SLC8A1: variants seen among roughly 807,000 people sequenced by gnomAD.
SLC8A1 encodes the protein solute carrier family 8 member A1.
Under a neutral mutation model 68.3 loss-of-function variants are expected in SLC8A1, and 18 were observed. That is an observed-to-expected ratio of 0.26 (90% CI 0.18 to 0.39). The LOEUF is 0.39. SLC8A1 is among the 10% of genes least tolerant of loss of function. SLC8A1 has a pLI of 1.00. For missense variants in SLC8A1, 985 were observed against 1,156.7 expected, an observed-to-expected ratio of 0.85 and a Z score of 2.15; for synonymous variants, 475 against 415.5, an observed-to-expected ratio of 1.14 and a Z score of -1.74.
intron 2 of SLC8A1, among the ~76,000 whole-genome samples, chr2:40,321,108 T>A (rs949241925): frequency 6.6e-6 from 1 of 152,164 alleles, no homozygotes; most frequent in East Asian, 1.9e-4. Flanking sequence ...CTACTTATGA[T>A]GCCAATGAAT....
In SLC8A1 at chr2:40,127,278, A is replaced by T. The variant is rs115348423; in HGVS notation, c.2438-11649T>A. Among the ~76,000 whole-genome samples the T allele has an allele frequency of 3.3e-3, 504 of 152,300 alleles. 1 individual carries two copies. Among genetic ancestry groups the T allele is most frequent in the African/African-American group, 0.011 (477 of 41,548 alleles). On this transcript the variant is annotated intron_variant, in intron 7 of 7. Coordinates refer to ENST00000406785, the Ensembl canonical transcript of SLC8A1. ...GATAAGAATACTTGACATAGCAGAAAGTTATTGTCAGGTTCTTCTATGTGG... is the reference window on the plus strand; with the variant it reads ...GATAAGAATACTTGACATAGCAGAATGTTATTGTCAGGTTCTTCTATGTGG...
chr2:40,102,187 C>G (rs1440066461), exon 8 of SLC8A1: 2 of 152,140 alleles, frequency 1.3e-5, no homozygotes, highest in African/African-American at 4.8e-5. Context: ...TGAGTCCCTA[C>G]AAGTCTATTT....
intron 2 of SLC8A1, among the ~76,000 whole-genome samples, chr2:40,234,618 C>A (rs1302818212): frequency 6.6e-6 from 1 of 152,122 alleles, no homozygotes; most frequent in African/African-American, 2.4e-5. Context: ...TTGCCCTGGC[C>A]AGAACTTCCA....
At chr2:40,350,201 G>T (rs1220875469) in intron 2 of SLC8A1, among the ~76,000 whole-genome samples, 1 of 152,128 alleles carries the variant, frequency 6.6e-6, no homozygotes, top group African/African-American at 2.4e-5. Flanking sequence ...CCATTTATCA[G>T]CTGGGTATGG....
chr2:40,222,318 G>C (rs1196713036), intron 2 of SLC8A1, among the ~76,000 whole-genome samples: 1 of 152,142 alleles, frequency 6.6e-6, no homozygotes, highest in Non-Finnish European at 1.5e-5. Context: ...AAACTGGCTA[G>C]CCATACGCAG....
At chr2:40,252,933 A>C (rs555989656) in intron 2 of SLC8A1, among the ~76,000 whole-genome samples, 1 of 127,276 alleles carries the variant, frequency 7.9e-6, no homozygotes, top group African/African-American at 3.5e-5. Context: ...ATACATGTAT[A>C]TGTATGTACA....
At chr2:40,283,967 C>T (rs2067883514) in intron 2 of SLC8A1, among the ~76,000 whole-genome samples, 1 of 152,052 alleles carries the variant, frequency 6.6e-6, no homozygotes, top group Non-Finnish European at 1.5e-5. Context: ...TCCAGAAAAA[C>T]TAGGCTTGTA....
chr2:40,422,246 G>A (rs376788427), intron 2 of SLC8A1, among the ~76,000 whole-genome samples: 5 of 149,540 alleles, frequency 3.3e-5, no homozygotes, highest in African/African-American at 1.3e-4. Flanking sequence ...TGTAATAAGG[G>A]ACTAATCGAT....
intron 2 of SLC8A1, among the ~76,000 whole-genome samples, chr2:40,183,845 C>A (rs1185432971): frequency 6.6e-6 from 1 of 152,076 alleles, no homozygotes; most frequent in Non-Finnish European, 1.5e-5. Flanking sequence ...CTTGTGGGAG[C>A]CCAGCATGAA....
At chr2:40,364,049 C>G (rs6544331) in intron 2 of SLC8A1, among the ~76,000 whole-genome samples, 15,625 of 152,050 alleles carry the variant, frequency 0.1, 905 homozygotes, top group East Asian at 0.19. Flanking sequence ...ACTCATATCA[C>G]TATAGCCAAT....
At chr2:40,418,535 GCT>G (rs1694558390) in intron 2 of SLC8A1, among the ~76,000 whole-genome samples, 1 of 152,152 alleles carries the variant, frequency 6.6e-6, no homozygotes, top group East Asian at 1.9e-4. Context: ...CTGAGCCTCA[GCT>G]CATCAGATTC....
chr2:40,259,252 A>G (rs919902112), intron 2 of SLC8A1, among the ~76,000 whole-genome samples: 1 of 145,766 alleles, frequency 6.9e-6, no homozygotes, highest in Admixed American at 7.4e-5. Flanking sequence ...GATGGAGATA[A>G]TAGAAGCCTT....
intron 7 of SLC8A1, chr2:40,120,745 T>C (rs961278617): frequency 1.3e-5 from 2 of 152,200 alleles, no homozygotes; most frequent in Non-Finnish European, 2.9e-5. Context: ...GATCAAACTG[T>C]GACAATATTT....
At chr2:40,286,766 A>C (rs192834817) in intron 2 of SLC8A1, among the ~76,000 whole-genome samples, 3 of 152,296 alleles carry the variant, frequency 2.0e-5, no homozygotes, top group African/African-American at 7.2e-5. Flanking sequence ...CCAGGGACCT[A>C]CTGTGTGACA....
chr2:40,178,563 G>A (rs2048893125), intron 2 of SLC8A1, 70 bp from the exon 3 acceptor site: 8 of 1,323,088 alleles, frequency 6.0e-6, no homozygotes, highest in Non-Finnish European at 8.6e-6. Context: ...TAGAGAAGAG[G>A]AAAGCAAGGT....
Position 40,417,060 on chromosome 2 carries a change from T to C in SLC8A1, c.1808+11413A>G, listed in dbSNP as rs1483060739. Among the ~76,000 whole-genome samples the C allele has an allele frequency of 2.6e-5, 4 of 152,264 alleles. No individual in the cohort carries two copies. The East Asian group carries it at 7.8e-4, about 30-fold the overall frequency. Reference sequence around the variant, plus strand: ...TGCAAAGGAGCATTTTAAAATGTCTTAGGTTATTGATATTTGATTGCTTTT... The same window carrying C: ...TGCAAAGGAGCATTTTAAAATGTCTCAGGTTATTGATATTTGATTGCTTTT... On this transcript the variant is annotated intron_variant, in intron 2 of 7. Transcript: ENST00000406785.
In SLC8A1 at chr2:40,350,551, C is replaced by T. The variant is rs1351725868; in HGVS notation, c.1808+77922G>A. On this transcript the variant is annotated intron_variant, in intron 2 of 7. Transcript: ENST00000406785. The stretch of plus-strand genomic sequence containing the variant: ...TAATTTTTTGTGCATTTAAAATAGC[C>T]CCAAGCAAGCATTACTTCTCACGCA... Among the ~76,000 whole-genome samples the T allele has an allele frequency of 2.6e-5, 3 of 116,808 alleles. No individual in the cohort carries two copies. The Admixed American group carries it at 3.4e-4, about 13-fold the overall frequency. The allele number at this position is 116,808 out of a possible 152,430, so 76.6% of individuals were successfully genotyped here.
At chr2:40,378,763 C>A (rs1680771204) in intron 2 of SLC8A1, among the ~76,000 whole-genome samples, 2 of 151,958 alleles carry the variant, frequency 1.3e-5, no homozygotes, top group African/African-American at 4.8e-5. Context: ...TGCTCCTGTT[C>A]CTGTTAAATT....
chr2:40,370,221 A>G (rs1012827413), intron 2 of SLC8A1, among the ~76,000 whole-genome samples: 1 of 152,162 alleles, frequency 6.6e-6, no homozygotes, highest in Non-Finnish European at 1.5e-5. Context: ...GATCACCCTT[A>G]CAGAATTTCT....
Sources: allele counts gnomAD v4.1 joint callset (sites outside exome capture counted in the v4.1 genomes callset), GRCh38; gene constraint gnomAD v4.1.1; transcripts MANE v1.5; gene names NCBI Gene and HGNC (gene_info 2026-07-23, HGNC 2026-07-21).